The following DPP10 variants were observed in gnomAD, a reference collection of about 807,000 sequenced individuals.
The protein encoded by DPP10 is dipeptidyl peptidase like 10.
In DPP10, 33 loss-of-function variants were observed where a neutral mutation model predicts 120.9. The observed-to-expected ratio is 0.27, with a 90% CI of 0.21 to 0.37. The LOEUF is 0.37. DPP10 is among the 10% of genes least tolerant of loss of function. The pLI is 1.00. For missense variants in DPP10, 816 were observed against 942.8 expected (o/e 0.87, Z 1.76); for synonymous variants, 337 against 326.1 (o/e 1.03, Z -0.36).
At chr2:115,647,668 C>G (rs919603684) in intron 5 of DPP10, among the ~76,000 whole-genome samples, 3 of 152,042 alleles carry the variant, frequency 2.0e-5, no homozygotes, top group Non-Finnish European at 2.9e-5. Flanking sequence ...TTTCACAGTT[C>G]TGGGGGCTGG....
rs563884390 is a variant in DPP10, at chr2:115,603,560, G to GTTGTTT, written c.441+77590_441+77591insGTTTTT. ...ACTACTGTGTGTTTTCGTTGTTGTT[G>GTTGTTT]TTTTTTTTTGTTTTTTTTTTTTTTG... is the stretch of plus-strand genomic sequence containing the variant. On this transcript the variant is annotated intron_variant, in intron 5 of 25. Transcript: ENST00000410059. Among the ~76,000 whole-genome samples the GTTGTTT allele has an allele frequency of 6.4e-3, 812 of 126,426 alleles. 6 individuals are homozygous for GTTGTTT. Among genetic ancestry groups the GTTGTTT allele is most frequent in the Non-Finnish European group, 0.011 (685 of 63,442 alleles). The allele number at this position is 126,426 out of a possible 152,430, so 82.9% of individuals were successfully genotyped here.
intron 1 of DPP10, among the ~76,000 whole-genome samples, chr2:115,104,207 G>T (rs1346984467): frequency 7.3e-6 from 1 of 136,380 alleles, no homozygotes; most frequent in East Asian, 2.1e-4. Flanking sequence ...AAGAGACAGG[G>T]TCTTGCTCTG....
intron 1 of DPP10, among the ~76,000 whole-genome samples, chr2:114,743,916 G>A (rs923615955): frequency 6.6e-6 from 1 of 151,888 alleles, no homozygotes; most frequent in Non-Finnish European, 1.5e-5. Context: ...CTTGTCCTCA[G>A]GTAGTTTGCT....
At chr2:115,407,366 A>C (rs1332762472) in intron 3 of DPP10, among the ~76,000 whole-genome samples, 1 of 152,140 alleles carries the variant, frequency 6.6e-6, no homozygotes, top group Non-Finnish European at 1.5e-5. Context: ...AACTGCCCTT[A>C]GAATAAGGAT....
intron 1 of DPP10, among the ~76,000 whole-genome samples, chr2:114,803,982 C>T (rs1684494593): frequency 1.3e-5 from 2 of 152,160 alleles, no homozygotes; most frequent in African/African-American, 4.8e-5. Context: ...GCCCGGAGGC[C>T]CTGGAGGAAA....
chr2:115,142,408 A>G (rs1297200853), intron 1 of DPP10, among the ~76,000 whole-genome samples: 1 of 152,180 alleles, frequency 6.6e-6, no homozygotes, highest in Non-Finnish European at 1.5e-5. Flanking sequence ...GAAGAAAGCA[A>G]TGTGCGCTCA....
chr2:115,303,573 G>A (rs926822552), intron 1 of DPP10, among the ~76,000 whole-genome samples: 6 of 151,798 alleles, frequency 4.0e-5, no homozygotes, highest in African/African-American at 1.4e-4. Context: ...AATGTGCATA[G>A]TGAATGTTTT....
intron 3 of DPP10, among the ~76,000 whole-genome samples, chr2:115,400,862 G>A (rs759230209): frequency 3.3e-5 from 5 of 152,138 alleles, no homozygotes; most frequent in Admixed American, 6.5e-5. Flanking sequence ...TTGTAACAGC[G>A]GGCATTGAAA....
intron 1 of DPP10, among the ~76,000 whole-genome samples, chr2:114,809,027 ATAAT>A (rs137990338): frequency 0.43 from 65,171 of 151,724 alleles, 14,862 homozygotes; most frequent in East Asian, 0.78. Context: ...ATGCATTTTT[ATAAT>A]TAATTAAGTA....
chr2:115,011,789 C>T (rs2105093920), intron 1 of DPP10, among the ~76,000 whole-genome samples: 1 of 152,190 alleles, frequency 6.6e-6, no homozygotes, highest in Admixed American at 6.5e-5. Context: ...TCCACACACC[C>T]TTTGAAAGAA....
At chr2:114,753,314 C>A (rs973951568) in intron 1 of DPP10, among the ~76,000 whole-genome samples, 1 of 152,150 alleles carries the variant, frequency 6.6e-6, no homozygotes, top group Non-Finnish European at 1.5e-5. Flanking sequence ...AGGCTTTTTG[C>A]CCCAATGAGT....
chr2:115,153,374 A>C (rs189929975), intron 1 of DPP10, among the ~76,000 whole-genome samples: 1 of 152,124 alleles, frequency 6.6e-6, no homozygotes, highest in Non-Finnish European at 1.5e-5. Flanking sequence ...CAGTGTTCTT[A>C]TGTTGGTCCA....
intron 1 of DPP10, among the ~76,000 whole-genome samples, chr2:114,867,883 C>T (rs1030419097): frequency 1.3e-5 from 2 of 152,216 alleles, no homozygotes; most frequent in Admixed American, 6.5e-5. Context: ...ACACTCAGCT[C>T]CTCAGGCTCA....
intron 11 of DPP10, among the ~76,000 whole-genome samples, chr2:115,754,778 T>C (rs1278341181): frequency 6.6e-6 from 1 of 152,134 alleles, no homozygotes; most frequent in Admixed American, 6.6e-5. Context: ...CAAAGGATAG[T>C]AATATTGGAA....
intron 1 of DPP10, among the ~76,000 whole-genome samples, chr2:115,060,209 AT>A (rs1330267523): frequency 6.7e-6 from 1 of 148,946 alleles, no homozygotes; most frequent in Admixed American, 6.7e-5. Flanking sequence ...ATTTATATAT[AT>A]ATATACACTA....
chr2:115,695,015 T>A (rs187931390), intron 7 of DPP10, among the ~76,000 whole-genome samples: 131 of 152,288 alleles, frequency 8.6e-4, no homozygotes, highest in African/African-American at 2.9e-3. Flanking sequence ...TACACCCTTA[T>A]AACAAGCTCC....
At chr2:115,542,130 T>C (rs142671721) in intron 5 of DPP10, among the ~76,000 whole-genome samples, 106 of 152,006 alleles carry the variant, frequency 7.0e-4, no homozygotes, top group African/African-American at 2.4e-3. Context: ...TTGTGTGTGA[T>C]TCTATGACAT....
intron 2 of DPP10, among the ~76,000 whole-genome samples, chr2:115,340,331 C>A (rs1230767080): frequency 6.6e-6 from 1 of 151,914 alleles, no homozygotes; most frequent in East Asian, 1.9e-4. Context: ...ACTATATATA[C>A]TTTGCACTAA....
At chr2:115,468,631 G>T in intron 3 of DPP10, 2 of 379,598 alleles carry the variant, frequency 5.3e-6, no homozygotes, top group African/African-American at 2.1e-5. Context: ...GAACATCCAT[G>T]GGAGGTCATG....
Sources: gnomAD v4.1 joint callset for allele counts (sites outside exome capture counted in the v4.1 genomes callset) on GRCh38, gnomAD v4.1.1 for gene constraint, MANE v1.5 for transcripts, NCBI Gene and HGNC (gene_info 2026-07-23, HGNC 2026-07-21) for gene names.